The following ADAMTS20 variants were observed in gnomAD, a reference collection of about 807,000 sequenced individuals.
ADAMTS20 encodes the protein ADAM metallopeptidase with thrombospondin type 1 motif 20, also known as A disintegrin and metalloproteinase with thrombospondin motifs 20.
Under a neutral mutation model 260.1 loss-of-function variants are expected in ADAMTS20, and 225 were observed. The ratio of observed to expected loss-of-function variants is 0.87; its 90% CI spans 0.78 to 0.97. The LOEUF (loss-of-function observed/expected upper bound fraction) is 0.97. Ranked by LOEUF, ADAMTS20 falls within the 50% of genes least tolerant of loss-of-function variation. ADAMTS20 has a pLI of 0.00. For missense variants in ADAMTS20, 2,400 were observed against 2,337.7 expected, an observed-to-expected ratio of 1.03 and a Z score of -0.55; for synonymous variants, 802 against 769.5, an observed-to-expected ratio of 1.04 and a Z score of -0.70.
At chr12:43,359,774 A>G (rs935822962) in intron 37 of ADAMTS20, among the ~76,000 whole-genome samples, 5 of 152,252 alleles carry the variant, frequency 3.3e-5, no homozygotes, top group Non-Finnish European at 2.9e-5. Flanking sequence ...CTGTCTGTCT[A>G]TATGTTTTTG....
chr12:43,433,658 A>G (rs973182546), intron 19 of ADAMTS20: 1 of 276,082 alleles, frequency 3.6e-6, no homozygotes, highest in Admixed American at 4.8e-5. Flanking sequence ...ATTGTATACC[A>G]TGTCACTACA....
chr12:43,465,903 AG>A (rs1942144313), intron 9 of ADAMTS20, among the ~76,000 whole-genome samples: 1 of 152,066 alleles, frequency 6.6e-6, no homozygotes, highest in Non-Finnish European at 1.5e-5. Flanking sequence ...TTTCATAAAG[AG>A]GGAATTAGAA....
At chr12:43,511,929 G>T (rs947586317) in intron 3 of ADAMTS20, among the ~76,000 whole-genome samples, 4 of 152,082 alleles carry the variant, frequency 2.6e-5, no homozygotes, top group African/African-American at 9.7e-5. Context: ...GAGATAAAGT[G>T]TGACCATATC....
At chr12:43,366,307 A>G (rs1939984904) in intron 37 of ADAMTS20, among the ~76,000 whole-genome samples, 1 of 151,916 alleles carries the variant, frequency 6.6e-6, no homozygotes, top group Non-Finnish European at 1.5e-5. Flanking sequence ...ATATTCGTGT[A>G]CAACAAAATC....
At position 43,502,342 on chromosome 12, in the gene ADAMTS20, T is replaced by G. The variant is rs773211914; in HGVS notation, c.677A>C (p.Asn226Thr). The change falls in exon 4 of 39, where the codon AAT becomes ACT. Residue 226 changes from asparagine (N) to threonine (T), a missense_variant. Transcript: ENST00000389420. ...HTYSNMNEDL[N>T]VMKERVLGHT... ...TCCTAAAACTCTTTCTTTCATTACA[T>G]TAAGATCTTCATTCATGTTGCTGTA... is the stretch of plus-strand genomic sequence containing the variant. The G allele has an allele frequency of 3.7e-6, 6 of 1,609,888 alleles. No individual in the cohort carries two copies. The Admixed American group carries it at 5.1e-5, about 14-fold the overall frequency.
intron 11 of ADAMTS20, among the ~76,000 whole-genome samples, chr12:43,461,767 A>G (rs1182434747): frequency 6.6e-6 from 1 of 152,202 alleles, no homozygotes; most frequent in Non-Finnish European, 1.5e-5. Context: ...TACTAATACT[A>G]GTCACAGGAA....
In ADAMTS20 at chr12:43,468,591, G is replaced by A. The variant is rs559084685; in HGVS notation, c.1223+9C>T. The A allele has an allele frequency of 2.0e-6, 3 of 1,533,994 alleles. No homozygotes were observed. The highest frequency in any genetic ancestry group is 1.8e-5 in the Admixed American group (1 of 55,150). ...AATGCACATTAAGGAGGTGACAGAA[G>A]GTACTTACGTGTGCCCAAGCTCATG... On this transcript the variant is annotated intron_variant, in intron 8 of 38. Transcript: ENST00000389420.
At chr12:43,436,431 C>T (rs900708662) in intron 18 of ADAMTS20, among the ~76,000 whole-genome samples, 8 of 151,152 alleles carry the variant, frequency 5.3e-5, no homozygotes, top group African/African-American at 1.5e-4. Flanking sequence ...CTAGTAGTCA[C>T]GTTAAAAAAA....
At chr12:43,377,234 A>T in intron 32 of ADAMTS20, 131 bp downstream of exon 32, 1 of 642,670 alleles carries the variant, frequency 1.6e-6, no homozygotes, top group Non-Finnish European at 2.5e-6. Flanking sequence ...AATAACTGGT[A>T]ATGTGGATTT....
chr12:43,439,715 G>T lies in ADAMTS20; in HGVS notation c.2500C>A (p.His834Asn), dbSNP rs148696894. 304 of 1,613,436 alleles carry T rather than the reference G, an allele frequency of 1.9e-4. No homozygotes were observed. The highest frequency in any genetic ancestry group is 5.0e-4 in the Middle Eastern group (3 of 6,026). ...CVGNLYNPDVHYSFNIPLEER... is the reference protein window; with the variant it reads ...CVGNLYNPDVNYSFNIPLEER... ...TCCAAAGGGATATTGAAGGAATAAT[G>T]TACATCAGGGTTGTATAAATTACCC... Residue 834 changes from histidine (H) to asparagine (N), a missense_variant, in exon 18 of 39, where the codon CAT (histidine) becomes AAT (asparagine). Transcript: ENST00000389420.
chr12:43,485,236 A>T (rs1004171614), intron 7 of ADAMTS20, among the ~76,000 whole-genome samples: 1 of 152,108 alleles, frequency 6.6e-6, no homozygotes, highest in Non-Finnish European at 1.5e-5. Flanking sequence ...ATGATCAAAG[A>T]AGTTTAATTC....
In ADAMTS20 at chr12:43,551,039, T is replaced by C; in HGVS notation, c.323A>G (p.His108Arg). ...SFLAAGYTEV[H>R]LGTPERGAWE... ...GGCCCCGCGCTCCGGGGTTCCCAAG[T>C]GCACCTCGGTGTAGCCGGCGGCCAG... The change falls in exon 2 of 39, where the codon CAC (histidine) becomes CGC (arginine). Residue 108 changes from histidine to arginine, a missense_variant. His to Arg is a conservative substitution (Grantham distance 29, BLOSUM62 0). Coordinates refer to ENST00000389420, the MANE Select transcript of ADAMTS20 (RefSeq NM_025003.5). The surrounding 1 kb of genome is among the most constrained non-coding windows in gnomAD (Gnocchi z 4.6). 1 of 1,613,516 alleles carries C rather than the reference T, an allele frequency of 6.2e-7. No homozygotes were observed. Among genetic ancestry groups the C allele is most frequent in the Non-Finnish European group, 8.5e-7 (1 of 1,179,714 alleles).
intron 2 of ADAMTS20, among the ~76,000 whole-genome samples, chr12:43,547,976 C>A (rs2137532745): frequency 6.6e-6 from 1 of 152,284 alleles, no homozygotes; most frequent in Non-Finnish European, 1.5e-5. Context: ...CCTCACCCCT[C>A]TCCCAAACAA....
chr12:43,381,132 T>C (rs1489525787), intron 31 of ADAMTS20, among the ~76,000 whole-genome samples: 1 of 152,116 alleles, frequency 6.6e-6, no homozygotes, highest in Non-Finnish European at 1.5e-5. Context: ...GCCAAGCTAA[T>C]TCAATGGGGG....
rs757160682 is a variant in ADAMTS20, at chr12:43,430,335, AC to A, written c.3381+16del. ...GTCTCATAAATCTTTTTGTTTGTAA[AC>A]CATGATTCTTTTTACCTGTCTGTCA... On this transcript the variant is annotated intron_variant, in intron 23 of 38. Coordinates refer to ENST00000389420, the MANE Select transcript of ADAMTS20 (RefSeq NM_025003.5). The A allele has an allele frequency of 6.2e-7, 1 of 1,602,252 alleles. No individual in the cohort carries two copies. The highest frequency in any genetic ancestry group is 1.3e-5 in the African/African-American group (1 of 74,586).
chr12:43,514,989 C>T (rs1314075654), intron 3 of ADAMTS20, among the ~76,000 whole-genome samples: 2 of 152,164 alleles, frequency 1.3e-5, no homozygotes, highest in Admixed American at 1.3e-4. Context: ...TCTTATCTTC[C>T]TATTTTCAGA....
At chr12:43,461,398 A>C (rs1942063373) in intron 11 of ADAMTS20, among the ~76,000 whole-genome samples, 1 of 152,162 alleles carries the variant, frequency 6.6e-6, no homozygotes, top group South Asian at 2.1e-4. Context: ...CCTAAGATCT[A>C]TGCATTATAC....
Position 43,429,643 on chromosome 12 carries a change from G to T in ADAMTS20, c.3463C>A (p.Gln1155Lys). ...GGGGTCCAAGAACCATGTCGCCATT[G>T]TGCCATCTTTTTTATGAGAACAGTT... ...LPTVLIKKMA[Q>K]WRHGSWTPCS... is the part of the protein sequence containing the mutation. Residue 1155 changes from glutamine to lysine, a missense_variant, in exon 24 of 39, where the codon CAA becomes AAA. Transcript: ENST00000389420. The T allele has an allele frequency of 1.3e-6, 2 of 1,598,352 alleles. No homozygotes were observed. The highest frequency in any genetic ancestry group is 1.7e-6 in the Non-Finnish European group (2 of 1,171,442).
chr12:43,529,669 G>T (rs552703459), intron 3 of ADAMTS20, among the ~76,000 whole-genome samples: 6 of 152,212 alleles, frequency 3.9e-5, no homozygotes, highest in Admixed American at 3.9e-4. Flanking sequence ...AGGGTAGGAG[G>T]GGGGTGCGGA....
Sources: allele counts gnomAD v4.1 joint callset (sites outside exome capture counted in the v4.1 genomes callset), GRCh38; gene constraint gnomAD v4.1.1; non-coding constraint Gnocchi (gnomAD v3.1); transcripts MANE v1.5; gene names NCBI Gene and HGNC (gene_info 2026-07-23, HGNC 2026-07-21).